Variants in CD38 observed in about 807,000 individuals in gnomAD.
CD38 encodes ADP-ribosyl cyclase/cyclic ADP-ribose hydrolase 1.
CD38 carries 31 observed loss-of-function variants against 36.3 expected under a neutral mutation model. The observed-to-expected ratio is 0.85, with a 90% confidence interval of 0.64 to 1.15. The LOEUF is 1.15. Ranked by LOEUF, CD38 falls within the 50% of genes most tolerant of loss-of-function variation. The pLI is 0.00. For synonymous variants in CD38, 131 were observed against 135.2 expected (o/e 0.97, Z 0.22); for missense variants, 380 against 371.9 (o/e 1.02, Z -0.18).
At chr4:15,805,284 G>C (rs912365337) in intron 1 of CD38, among the ~76,000 whole-genome samples, 1 of 151,338 alleles carries the variant, frequency 6.6e-6, no homozygotes, top group African/African-American at 2.4e-5. Context: ...AATATGGCTT[G>C]TGACGCTTAT....
At chr4:15,794,257 A>G (rs920182350) in intron 1 of CD38, among the ~76,000 whole-genome samples, 4 of 152,204 alleles carry the variant, frequency 2.6e-5, no homozygotes, top group Non-Finnish European at 5.9e-5. Flanking sequence ...CATCTCAGTT[A>G]TCAGATTGAA....
chr4:15,810,493 C>T (rs1487803597), intron 1 of CD38, among the ~76,000 whole-genome samples: 6 of 152,190 alleles, frequency 3.9e-5, no homozygotes, highest in Admixed American at 3.9e-4. Context: ...AAGAAGGCCA[C>T]TGCATTAATA....
chr4:15,825,183 A>G, intron 3 of CD38, 167 bp downstream of exon 3: 1 of 595,654 alleles, frequency 1.7e-6, no homozygotes, highest in Non-Finnish European at 2.8e-6. Context: ...GGAATACCTG[A>G]GGCTGCGTAA....
chr4:15,848,188 G>A (rs1038948881), intron 7 of CD38, among the ~76,000 whole-genome samples: 1 of 152,196 alleles, frequency 6.6e-6, no homozygotes, highest in Non-Finnish European at 1.5e-5. Flanking sequence ...TCTAAGGTTT[G>A]TTTCAAAGCA....
At chr4:15,802,725 A>C (rs767306322) in intron 1 of CD38, among the ~76,000 whole-genome samples, 1 of 151,720 alleles carries the variant, frequency 6.6e-6, no homozygotes, top group Non-Finnish European at 1.5e-5. Context: ...CCCTATTTTT[A>C]GTAGAGATAG....
At chr4:15,834,079 AT>A (rs1724013536) in intron 3 of CD38, 137 bp from the exon 4 acceptor site, 2 of 613,616 alleles carry the variant, frequency 3.3e-6, no homozygotes, top group South Asian at 4.1e-5. Flanking sequence ...TTGGGTCAAA[AT>A]GTGTCCATTC....
intron 3 of CD38, among the ~76,000 whole-genome samples, chr4:15,826,459 G>GCGCACA (rs1553874528): frequency 8.9e-5 from 13 of 146,346 alleles, no homozygotes; most frequent in Non-Finnish European, 1.1e-4. Flanking sequence ...ACTTTTGTGC[G>GCGCACA]CACACACACA....
At chr4:15,824,244 G>A (rs1223434874) in intron 2 of CD38, among the ~76,000 whole-genome samples, 1 of 151,944 alleles carries the variant, frequency 6.6e-6, no homozygotes, top group Non-Finnish European at 1.5e-5. Context: ...CAAACCCATG[G>A]CACATATTTA....
chr4:15,848,495 T>C (rs1166154887), intron 7 of CD38, 44 bp from the exon 8 acceptor site: 2 of 1,467,426 alleles, frequency 1.4e-6, no homozygotes, highest in African/African-American at 2.8e-5. Context: ...ACGACAGATG[T>C]ATCCTACGGT....
chr4:15,791,046 G>GT (rs1224238880), intron 1 of CD38, among the ~76,000 whole-genome samples: 3 of 131,372 alleles, frequency 2.3e-5, no homozygotes, highest in East Asian at 2.3e-4. Context: ...GAGGGAGGTG[G>GT]GGGGGGGTCA....
intron 1 of CD38, among the ~76,000 whole-genome samples, chr4:15,789,136 T>C (rs1197262662): frequency 6.6e-6 from 1 of 152,242 alleles, no homozygotes; most frequent in Non-Finnish European, 1.5e-5. Context: ...TCTTTTTGCC[T>C]TATTTCCACG....
chr4:15,779,506 G>A (rs1722642747), intron 1 of CD38, among the ~76,000 whole-genome samples: 4 of 152,120 alleles, frequency 2.6e-5, no homozygotes. Flanking sequence ...CGGGAAGGCA[G>A]GCAGGGGGAG....
At chr4:15,838,216 C>G (rs1425895804) in intron 5 of CD38, 51 bp downstream of exon 5, 2 of 1,271,548 alleles carry the variant, frequency 1.6e-6, no homozygotes, top group Admixed American at 1.7e-5. Context: ...GCAAATATCA[C>G]AGTGAATATT....
chr4:15,802,198 A>C (rs1323169578), intron 1 of CD38, among the ~76,000 whole-genome samples: 5 of 152,138 alleles, frequency 3.3e-5, no homozygotes, highest in Admixed American at 3.3e-4. Context: ...CTACCCCCCA[A>C]AAAAAACCTC....
At chr4:15,791,812 C>CT (rs914907722) in intron 1 of CD38, among the ~76,000 whole-genome samples, 2 of 56,784 alleles carry the variant, frequency 3.5e-5, no homozygotes, top group Non-Finnish European at 6.3e-5. Context: ...GGAGGGTCAG[C>CT]CCCCCGCCCG....
chr4:15,802,410 C>T (rs1577642414), intron 1 of CD38, among the ~76,000 whole-genome samples: 3 of 151,948 alleles, frequency 2.0e-5, no homozygotes, highest in African/African-American at 7.2e-5. Flanking sequence ...TTTTCAATGG[C>T]ATTTTTCACA....
At chr4:15,839,650 C>T (rs1431793569) in intron 5 of CD38, among the ~76,000 whole-genome samples, 1 of 151,656 alleles carries the variant, frequency 6.6e-6, no homozygotes, top group Non-Finnish European at 1.5e-5. Context: ...GTCTCGATCC[C>T]CTGGCATCAT....
Position 15,848,882 on chromosome 4 carries a change from T to G in CD38, c.*280T>G, listed in dbSNP as rs1445079057. On this transcript the variant is annotated 3_prime_UTR_variant, in exon 8 of 8. Coordinates refer to ENST00000226279, the MANE Select transcript of CD38 (RefSeq NM_001775.4). ...CACTTTAATTCTCATGTGATCCTTTTATGTTATTTATATATTGGTAACATC... is the reference window on the plus strand; with the variant it reads ...CACTTTAATTCTCATGTGATCCTTTGATGTTATTTATATATTGGTAACATC... The G allele has an allele frequency of 3.8e-6, 1 of 261,400 alleles. No individual in the cohort carries two copies. The allele number at this position is 261,400 out of a possible 1,614,324, so 16.2% of individuals were successfully genotyped here.
At chr4:15,815,730 C>T (rs1432991378) in intron 1 of CD38, among the ~76,000 whole-genome samples, 1 of 152,110 alleles carries the variant, frequency 6.6e-6, no homozygotes, top group Non-Finnish European at 1.5e-5. Context: ...TTGACTTTCT[C>T]TCTTCCTATA....
Sources: allele counts gnomAD v4.1 joint callset (sites outside exome capture counted in the v4.1 genomes callset), GRCh38; gene constraint gnomAD v4.1.1; transcripts MANE v1.5; gene names NCBI Gene and HGNC (gene_info 2026-07-23, HGNC 2026-07-21).